KDM2A: variants seen among roughly 807,000 people sequenced by gnomAD.
KDM2A encodes the protein lysine demethylase 2A.
A neutral mutation model predicts 137.3 loss-of-function variants in KDM2A; 3 were observed. The observed-to-expected ratio is 0.02, with a 90% CI of 0.01 to 0.06. The LOEUF (loss-of-function observed/expected upper bound fraction) is 0.06. Ranked by LOEUF, KDM2A falls within the 10% of genes least tolerant of loss-of-function variation. The pLI, the probability that KDM2A is intolerant of heterozygous loss-of-function variation, is 1.00. For missense variants in KDM2A, 738 were observed against 1,510.6 expected, an observed-to-expected ratio of 0.49 and a Z score of 8.48; for synonymous variants, 512 against 541.5, an observed-to-expected ratio of 0.95 and a Z score of 0.76.
rs139776975 is a variant in KDM2A at position 67,235,302 on chromosome 11, ATT to A, written c.1479+3360_1479+3361del. Among the ~76,000 whole-genome samples the A allele has an allele frequency of 1.6e-3, 213 of 134,464 alleles. 1 individual carries two copies. The highest frequency in any genetic ancestry group is 5.0e-3 in the African/African-American group (178 of 35,286). The allele number at this position is 134,464 out of a possible 152,430, so 88.2% of individuals were successfully genotyped here. On this transcript the variant is annotated intron_variant, in intron 12 of 20. Coordinates refer to ENST00000529006, the MANE Select transcript of KDM2A (RefSeq NM_012308.3). The stretch of plus-strand genomic sequence containing the variant: ...AGAATAGGGTTTTCCTACTATGAGA[ATT>A]TTTTTTTTTTTTTTTTTGAGACTGA...
At chr11:67,223,019 C>T (rs544150186) in intron 10 of KDM2A, among the ~76,000 whole-genome samples, 1 of 151,728 alleles carries the variant, frequency 6.6e-6, no homozygotes, top group East Asian at 2.0e-4. Context: ...ATGAAGAAAC[C>T]CTGTCTCTAC....
At chr11:67,194,365 G>A (rs1381117007) in intron 5 of KDM2A, among the ~76,000 whole-genome samples, 1 of 152,046 alleles carries the variant, frequency 6.6e-6, no homozygotes, top group Non-Finnish European at 1.5e-5. Flanking sequence ...TCTCAACCTT[G>A]GTAACTCAGA....
At chr11:67,220,029 G>A (rs1858295549) in intron 10 of KDM2A, among the ~76,000 whole-genome samples, 9 of 150,920 alleles carry the variant, frequency 6.0e-5, no homozygotes. Context: ...TTTAATATTT[G>A]GGACAGAGTC....
chr11:67,185,700 G>A (rs954791638), intron 5 of KDM2A, among the ~76,000 whole-genome samples: 106 of 151,842 alleles, frequency 7.0e-4, no homozygotes, highest in Non-Finnish European at 1.4e-3. Flanking sequence ...CATTGTGACA[G>A]TATTAAGCAG....
intron 2 of KDM2A, among the ~76,000 whole-genome samples, chr11:67,150,992 C>G (rs975775587): frequency 6.6e-6 from 1 of 151,888 alleles, no homozygotes; most frequent in African/African-American, 2.4e-5. Context: ...TGTAGTAAAC[C>G]CCCCTTGCAT....
intron 5 of KDM2A, among the ~76,000 whole-genome samples, chr11:67,199,995 G>A (rs1354157556): frequency 6.6e-6 from 1 of 152,058 alleles, no homozygotes; most frequent in Non-Finnish European, 1.5e-5. Flanking sequence ...AAAATCCTAG[G>A]GCCCTTAAGA....
chr11:67,170,056 C>T (rs1212694540), intron 2 of KDM2A, among the ~76,000 whole-genome samples: 2 of 151,962 alleles, frequency 1.3e-5, no homozygotes, highest in Non-Finnish European at 2.9e-5. Flanking sequence ...ATGCCTGGCC[C>T]ACAGTTTCAT....
chr11:67,143,105 TCTGC>T (rs1323289552), intron 2 of KDM2A: 5 of 148,110 alleles, frequency 3.4e-5, no homozygotes, highest in African/African-American at 1.0e-4. Flanking sequence ...CACTGCAACC[TCTGC>T]CTCCCAGGTT....
At chr11:67,229,752 A>C (rs11227744) in intron 11 of KDM2A, among the ~76,000 whole-genome samples, 18,211 of 151,544 alleles carry the variant, frequency 0.12, 3,066 homozygotes, top group African/African-American at 0.38. Flanking sequence ...CACCTGTAGT[A>C]CCAGGTACTC....
chr11:67,142,792 T>A (rs1040301142), intron 2 of KDM2A, among the ~76,000 whole-genome samples: 1 of 151,980 alleles, frequency 6.6e-6, no homozygotes, highest in Non-Finnish European at 1.5e-5. Flanking sequence ...TTCCTAGAAG[T>A]ACAGTAATTA....
chr11:67,171,270 G>A (rs1036106490), intron 2 of KDM2A, among the ~76,000 whole-genome samples: 18 of 152,178 alleles, frequency 1.2e-4, no homozygotes, highest in African/African-American at 4.3e-4. Context: ...GTCTCCCTCA[G>A]TGTTCCTAGT....
At chr11:67,217,988 G>A in intron 9 of KDM2A, 104 bp downstream of exon 9, 1 of 996,496 alleles carries the variant, frequency 1.0e-6, no homozygotes, top group South Asian at 1.7e-5. Flanking sequence ...GGCGTCTGCA[G>A]AAAACAACAG....
chr11:67,230,334 A>C (rs1171027717), intron 11 of KDM2A, among the ~76,000 whole-genome samples: 1 of 152,226 alleles, frequency 6.6e-6, no homozygotes, highest in East Asian at 1.9e-4. Context: ...AGTAACCAAC[A>C]AAACACATAT....
At position 67,257,161 on chromosome 11, in the gene KDM2A, G is replaced by A. The variant is rs1208810914; in HGVS notation, c.*2106G>A. 2.0e-5 allele frequency: 3 copies of A among 152,232 alleles called. No homozygotes were observed. Among genetic ancestry groups the A allele is most frequent in the Non-Finnish European group, 4.4e-5 (3 of 68,040 alleles). The allele number at this position is 152,232 out of a possible 1,614,324, so 9.4% of individuals were successfully genotyped here. The stretch of plus-strand genomic sequence containing the variant: ...CCCCTTCAGAGCAGGGATTGTGCCG[G>A]GAGAGTGCCTCTGACTTTGGGACAT... On this transcript the variant is annotated 3_prime_UTR_variant, in exon 21 of 21. Transcript: ENST00000529006.
At chr11:67,197,733 C>A (rs1473075973) in intron 5 of KDM2A, among the ~76,000 whole-genome samples, 2 of 152,182 alleles carry the variant, frequency 1.3e-5, no homozygotes, top group Non-Finnish European at 2.9e-5. Flanking sequence ...ACACTAATTA[C>A]TAGCTGTGTA....
At chr11:67,147,525 G>C (rs1323882115) in intron 2 of KDM2A, among the ~76,000 whole-genome samples, 1 of 149,974 alleles carries the variant, frequency 6.7e-6, no homozygotes, top group Non-Finnish European at 1.5e-5. Flanking sequence ...CTGGGCGACA[G>C]AGCGAGACTC....
intron 2 of KDM2A, among the ~76,000 whole-genome samples, chr11:67,172,635 TGTG>T (rs1270560834): frequency 1.3e-5 from 2 of 151,896 alleles, no homozygotes; most frequent in Non-Finnish European, 1.5e-5. Context: ...TGTGTGTGTG[TGTG>T]TGTGTGTGTG....
intron 5 of KDM2A, among the ~76,000 whole-genome samples, chr11:67,191,257 C>T (rs894117885): frequency 3.1e-4 from 47 of 152,046 alleles, no homozygotes; most frequent in African/African-American, 1.1e-3. Context: ...GATCTCCTGA[C>T]CTCGTGATCT....
intron 11 of KDM2A, among the ~76,000 whole-genome samples, chr11:67,231,015 A>C (rs989963420): frequency 1.5e-4 from 23 of 151,230 alleles, no homozygotes; most frequent in Non-Finnish European, 2.9e-5. Flanking sequence ...GGAGTGCAGT[A>C]ATATGATCGC....
Sources: allele counts gnomAD v4.1 joint callset (sites outside exome capture counted in the v4.1 genomes callset), GRCh38; gene constraint gnomAD v4.1.1; transcripts MANE v1.5; gene names NCBI Gene and HGNC (gene_info 2026-07-23, HGNC 2026-07-21).